ABTB3: variants seen among roughly 807,000 people sequenced by gnomAD.
ABTB3 encodes ankyrin repeat- and BTB/POZ domain-containing protein 3.
chr12:107,481,854 C>A, the ABTB3 span, among the ~76,000 whole-genome samples: 3 of 145,550 alleles, frequency 2.1e-5, no homozygotes, highest in African/African-American at 7.7e-5. Context: ...GTTTCAACTT[C>A]ACAGCTTTAA....
the ABTB3 span, chr12:107,319,176 G>T: frequency 6.3e-7 from 1 of 1,598,418 alleles, no homozygotes; most frequent in Non-Finnish European, 8.5e-7. Context: ...GACTCCGAGG[G>T]GCTGGACTGC....
At chr12:107,487,465 G>A in the ABTB3 span, among the ~76,000 whole-genome samples, 2 of 152,148 alleles carry the variant, frequency 1.3e-5, no homozygotes, top group Non-Finnish European at 2.9e-5. Flanking sequence ...CCAAACCTCA[G>A]TGCCAGAGTC....
the ABTB3 span, among the ~76,000 whole-genome samples, chr12:107,533,320 G>T: frequency 2.0e-5 from 3 of 152,060 alleles, no homozygotes; most frequent in Admixed American, 6.6e-5. Flanking sequence ...CAATTAAAAG[G>T]TATAGACTGG....
the ABTB3 span, chr12:107,581,300 C>T: frequency 7.2e-7 from 1 of 1,396,212 alleles, no homozygotes. Context: ...GCCGCGCCAG[C>T]TCAGGTAGGC....
At chr12:107,639,492 G>C in the ABTB3 span, among the ~76,000 whole-genome samples, 32,327 of 151,968 alleles carry the variant, frequency 0.21, 3,993 homozygotes, top group African/African-American at 0.33. Context: ...GCCCAAACTA[G>C]GGTAATATCA....
chr12:107,365,132 T>C, the ABTB3 span, among the ~76,000 whole-genome samples: 1 of 152,228 alleles, frequency 6.6e-6, no homozygotes, highest in African/African-American at 2.4e-5. Flanking sequence ...ATTGAACCTT[T>C]CTTAGACTCG....
chr12:107,546,335 C>G, the ABTB3 span, among the ~76,000 whole-genome samples: 2 of 152,150 alleles, frequency 1.3e-5, no homozygotes, highest in Non-Finnish European at 2.9e-5. Flanking sequence ...CATCTCTCCC[C>G]CAAAACCCAC....
the ABTB3 span, among the ~76,000 whole-genome samples, chr12:107,323,071 A>G: frequency 6.6e-6 from 1 of 152,236 alleles, no homozygotes; most frequent in Non-Finnish European, 1.5e-5. Flanking sequence ...ATTGTACTGT[A>G]TTATACAATG....
chr12:107,406,376 GCTATGATCA>G, the ABTB3 span, among the ~76,000 whole-genome samples: 1 of 152,182 alleles, frequency 6.6e-6, no homozygotes, highest in African/African-American at 2.4e-5. Context: ...ACTGTAGTGA[GCTATGATCA>G]CACCACTATA....
chr12:107,536,435 TAAC>T, the ABTB3 span, among the ~76,000 whole-genome samples: 2 of 151,954 alleles, frequency 1.3e-5, no homozygotes, highest in African/African-American at 4.8e-5. Flanking sequence ...AGGAAACAAT[TAAC>T]AAATTGAAGA....
At chr12:107,458,780 G>A in the ABTB3 span, among the ~76,000 whole-genome samples, 2 of 152,164 alleles carry the variant, frequency 1.3e-5, no homozygotes, top group Non-Finnish European at 2.9e-5. Flanking sequence ...CTCACCACCA[G>A]CTTACCTGCT....
chr12:107,615,576 G>A, the ABTB3 span, among the ~76,000 whole-genome samples: 1 of 152,198 alleles, frequency 6.6e-6, no homozygotes, highest in Non-Finnish European at 1.5e-5. Context: ...CAGCCAGTGG[G>A]AAGAAGCATC....
the ABTB3 span, among the ~76,000 whole-genome samples, chr12:107,498,057 A>G: frequency 3.3e-5 from 5 of 152,232 alleles, no homozygotes; most frequent in African/African-American, 1.2e-4. Context: ...GCACTGGCCC[A>G]CAAAGTGATG....
the ABTB3 span, among the ~76,000 whole-genome samples, chr12:107,360,922 T>G: frequency 8.7e-6 from 1 of 115,376 alleles, no homozygotes; most frequent in Non-Finnish European, 1.8e-5. Context: ...CCCAGCTAAT[T>G]TAATTTAATT....
chr12:107,476,604 G>T, the ABTB3 span, among the ~76,000 whole-genome samples: 1 of 152,010 alleles, frequency 6.6e-6, no homozygotes, highest in Non-Finnish European at 1.5e-5. Flanking sequence ...ACCTGACCCT[G>T]CAGGGAAGGG....
At chr12:107,387,393 C>A in the ABTB3 span, among the ~76,000 whole-genome samples, 1 of 152,170 alleles carries the variant, frequency 6.6e-6, no homozygotes, top group South Asian at 2.1e-4. Flanking sequence ...CCTTGATCAG[C>A]CTACACCTAA....
the ABTB3 span, among the ~76,000 whole-genome samples, chr12:107,354,007 G>A: frequency 6.6e-6 from 1 of 152,048 alleles, no homozygotes; most frequent in South Asian, 2.1e-4. Context: ...ATGTTGTTTA[G>A]GATAGGCCAG....
At chr12:107,370,729 G>A in the ABTB3 span, among the ~76,000 whole-genome samples, 1 of 146,830 alleles carries the variant, frequency 6.8e-6, no homozygotes, top group Non-Finnish European at 1.5e-5. Context: ...CTGTGAAGGT[G>A]CTTCTTTGGC....
chr12:107,577,841 A>T, the ABTB3 span, among the ~76,000 whole-genome samples: 3 of 152,164 alleles, frequency 2.0e-5, no homozygotes, highest in African/African-American at 7.2e-5. Flanking sequence ...CTCTGGATGT[A>T]AAATCATGGC....
Sources: gnomAD v4.1 joint callset for allele counts (sites outside exome capture counted in the v4.1 genomes callset) on GRCh38, gnomAD v4.1.1 for gene constraint, MANE v1.5 for transcripts, NCBI Gene and HGNC (gene_info 2026-07-23, HGNC 2026-07-21) for gene names.